Variants in CLEC12A observed in about 807,000 individuals in gnomAD.
CLEC12A encodes the protein C-type lectin protein CLL-1.
Under a neutral mutation model 26.5 loss-of-function variants are expected in CLEC12A, and 22 were observed. The ratio of observed to expected loss-of-function variants is 0.83; its 90% CI spans 0.59 to 1.19. The LOEUF (loss-of-function observed/expected upper bound fraction) is 1.19, where lower values mean the gene tolerates loss of function less well. Ranked by LOEUF, CLEC12A falls within the 50% of genes most tolerant of loss-of-function variation. The probability of loss-of-function intolerance (pLI) is 0.00; values close to 1 mark genes in which losing one functional copy is unlikely to be tolerated. For missense variants in CLEC12A, 353 were observed against 315.6 expected, an observed-to-expected ratio of 1.12 and a Z score of -0.90; for synonymous variants, 119 against 101.9, an observed-to-expected ratio of 1.17 and a Z score of -1.01.
chr12:9,997,198 T>A (rs1408184148), downstream of CLEC12A: 3 of 1,613,912 alleles, frequency 1.9e-6, no homozygotes, highest in Non-Finnish European at 1.7e-6. Context: ...TACCACATAT[T>A]GACAGAAGCG....
chr12:9,979,297 T>A, intron 2 of CLEC12A, 39 bp from the exon 3 acceptor site: 1 of 1,443,040 alleles, frequency 6.9e-7, no homozygotes. Context: ...ATGGCTCTAT[T>A]GAGAATTTAC....
the CLEC12A span, among the ~76,000 whole-genome samples, chr12:10,003,106 C>T: frequency 5.3e-5 from 8 of 152,264 alleles, no homozygotes; most frequent in African/African-American, 1.9e-4. Context: ...GATAGCTATT[C>T]TGAGACTTTT....
upstream of CLEC12A, chr12:9,971,383 C>T: frequency 4.2e-6 from 5 of 1,180,046 alleles, no homozygotes; most frequent in Non-Finnish European, 5.3e-6. Flanking sequence ...GTTCAATGTT[C>T]TTAACTGAAG....
At chr12:9,957,808 T>C (rs1419404683) in intron 1 of CLEC12A, among the ~76,000 whole-genome samples, 2 of 152,218 alleles carry the variant, frequency 1.3e-5, no homozygotes, top group African/African-American at 4.8e-5. Context: ...TCGAATAAAA[T>C]GGGAGCCAGG....
rs1864264843 is a variant in CLEC12A at position 9,974,750 on chromosome 12, GGT to G, written c.91+3066_91+3067del. Among the ~76,000 whole-genome samples the G allele has an allele frequency of 1.3e-5, 2 of 152,074 alleles. 1 individual carries two copies. The highest frequency in any genetic ancestry group is 4.8e-5 in the African/African-American group (2 of 41,408). On this transcript the variant is annotated intron_variant, in intron 1 of 5. Coordinates refer to ENST00000304361, the MANE Select transcript of CLEC12A (RefSeq NM_138337.6). The stretch of plus-strand genomic sequence containing the variant: ...AAACTCAGACACAGAGATGTTAAAA[GGT>G]GTTAAATAATTTTCCCGAGGTTTCA...
chr12:9,997,155 C>T (rs768144561), downstream of CLEC12A: 1 of 1,613,830 alleles, frequency 6.2e-7, no homozygotes, highest in Non-Finnish European at 8.5e-7. Flanking sequence ...AAAAACAATA[C>T]TTACTGAAAG....
At position 9,985,487 on chromosome 12, in the gene CLEC12A, T is replaced by C; in HGVS notation, c.*461T>C. 5.0e-6 allele frequency: 2 copies of C among 398,842 alleles called. No individual in the cohort carries two copies. Among genetic ancestry groups the C allele is most frequent in the Non-Finnish European group, 8.8e-6 (2 of 226,252 alleles). 24.7% of individuals were successfully genotyped at this position (398,842 alleles called of 1,614,324 possible). On this transcript the variant is annotated 3_prime_UTR_variant, in exon 6 of 6. Coordinates refer to ENST00000304361, the MANE Select transcript of CLEC12A (RefSeq NM_138337.6). ...AAGGCCTTATGAGTCAAAGGACTTA[T>C]AGCCAATTGATTGTTCTAGGCCAGG...
the CLEC12A span, among the ~76,000 whole-genome samples, chr12:10,002,992 A>G: frequency 6.6e-6 from 1 of 152,292 alleles, no homozygotes; most frequent in Middle Eastern, 3.4e-3. Flanking sequence ...TATTTTACAC[A>G]TGTAAAATAT....
At chr12:9,996,900 C>T, downstream of CLEC12A, 1 of 1,613,900 alleles carries the variant, frequency 6.2e-7, no homozygotes, top group Non-Finnish European at 8.5e-7. Context: ...CAGTGCAGTA[C>T]TGCTTACTCT....
the CLEC12A span, among the ~76,000 whole-genome samples, chr12:10,005,327 A>C: frequency 6.6e-6 from 1 of 152,308 alleles, no homozygotes; most frequent in East Asian, 1.9e-4. Context: ...AAAGTGATAT[A>C]ATCGAGTTCT....
intron 5 of CLEC12A, among the ~76,000 whole-genome samples, chr12:9,982,609 C>A (rs1372814988): frequency 1.3e-5 from 2 of 152,022 alleles, no homozygotes; most frequent in South Asian, 4.1e-4. Context: ...TGCAATGATA[C>A]TTTTGTTATA....
intron 1 of CLEC12A, among the ~76,000 whole-genome samples, 155 bp from the exon 2 acceptor site, chr12:9,978,811 A>AT (rs1159466706): frequency 6.6e-6 from 1 of 152,208 alleles, no homozygotes; most frequent in Non-Finnish European, 1.5e-5. Flanking sequence ...CTTCAAAAAT[A>AT]TTTTTTGAAT....
At chr12:9,984,048 A>AT in intron 5 of CLEC12A, 1 of 293,932 alleles carries the variant, frequency 3.4e-6, no homozygotes, top group Non-Finnish European at 6.7e-6. Context: ...CATTGTAGAT[A>AT]TTTTCAGTTA....
chr12:9,960,108 C>G (rs560874205), intron 1 of CLEC12A, among the ~76,000 whole-genome samples: 56 of 152,276 alleles, frequency 3.7e-4, no homozygotes, highest in African/African-American at 1.3e-3. Context: ...ACCACCCACT[C>G]GTCTATCAAG....
In CLEC12A at chr12:9,962,551, TA is replaced by T. The variant is rs574395417; in HGVS notation, c.11-9025del. Reference sequence around the variant, plus strand: ...CGAAAAGAGAGTCAGCGAAGGGAGATAGGGGTGGAGCTGTTTTATAAGATTT... The same window carrying T: ...CGAAAAGAGAGTCAGCGAAGGGAGATGGGGTGGAGCTGTTTTATAAGATTT... On this transcript the variant is annotated intron_variant, in intron 1 of 6. Coordinates refer to the CLEC12A transcript ENST00000355690. 6.0e-3 allele frequency among the ~76,000 whole-genome samples: 917 copies of T among 152,034 alleles called. 11 individuals carry two copies. The highest frequency in any genetic ancestry group is 0.021 in the African/African-American group (871 of 41,440).
At chr12:9,980,448 A>AT (rs771489986) in intron 3 of CLEC12A, 134 bp from the exon 4 acceptor site, 19 of 837,982 alleles carry the variant, frequency 2.3e-5, no homozygotes, top group Non-Finnish European at 3.2e-5. Flanking sequence ...AAAAAAAAAA[A>AT]GGGGGAAAGA....
the CLEC12A span, among the ~76,000 whole-genome samples, chr12:10,002,716 A>G: frequency 6.6e-6 from 1 of 152,178 alleles, no homozygotes; most frequent in Non-Finnish European, 1.5e-5. Context: ...TGCTAGGATT[A>G]CAGGCGTGAG....
the CLEC12A span, among the ~76,000 whole-genome samples, chr12:10,004,069 T>C: frequency 2.6e-5 from 4 of 152,302 alleles, no homozygotes; most frequent in African/African-American, 9.6e-5. Context: ...TTGACTGTCA[T>C]GAGCTCAAAT....
At chr12:9,967,760 A>G (rs1863998086), upstream of CLEC12A, among the ~76,000 whole-genome samples, 1 of 152,070 alleles carries the variant, frequency 6.6e-6, no homozygotes, top group South Asian at 2.1e-4. Flanking sequence ...AGAAAAGCAG[A>G]GAAGGAGTAG....
Sources: gnomAD v4.1 joint callset for allele counts (sites outside exome capture counted in the v4.1 genomes callset) on GRCh38, gnomAD v4.1.1 for gene constraint, MANE v1.5 for transcripts, NCBI Gene and HGNC (gene_info 2026-07-23, HGNC 2026-07-21) for gene names.